AQP4: variants seen among roughly 807,000 people sequenced by gnomAD.
AQP4 encodes the protein aquaporin 4, also known as aquaporin-4.
In AQP4, 18 loss-of-function variants were observed where a neutral mutation model predicts 27.8. The ratio of observed to expected loss-of-function variants is 0.65; its 90% CI spans 0.45 to 0.96. The LOEUF (loss-of-function observed/expected upper bound fraction) is 0.96, where lower values mean the gene tolerates loss of function less well. AQP4 is among the 40% of genes least tolerant of loss of function. The probability of loss-of-function intolerance (pLI) is 0.00; values close to 1 mark genes in which losing one functional copy is unlikely to be tolerated. For synonymous variants in AQP4, 141 were observed against 142.9 expected (o/e 0.99, Z 0.10); for missense variants, 412 against 408.2 (o/e 1.01, Z -0.08).
chr18:26,856,291 C>T lies in AQP4; in HGVS notation c.892G>A (p.Val298Met), dbSNP rs1325525301. 1.9e-6 allele frequency: 3 copies of T among 1,614,116 alleles called. No individual in the cohort carries two copies. The African/African-American group carries it at 4.0e-5, about 22-fold the overall frequency. ...CGGTCAACGTCAATCACATGCACCA[C>T]TCCAGGTTTTAGAATCAGGTCATCC... The part of the protein sequence containing the change: ...ETDDLILKPG[V>M]VHVIDVDRGE... Residue 298 changes from valine to methionine, a missense_variant, in exon 5 of 5, where the codon GTG becomes ATG. Physicochemically the swap from Val to Met is conservative, Grantham distance 21. Coordinates refer to ENST00000383168, the MANE Select transcript of AQP4 (RefSeq NM_001650.7).
At chr18:26,865,111 A>T (rs2055034476) in intron 1 of AQP4, 1 of 155,806 alleles carries the variant, frequency 6.4e-6, no homozygotes, top group African/African-American at 2.4e-5. Context: ...CTTGGCTGTG[A>T]ACCGTGAAGT....
In AQP4 at chr18:26,853,739, G is replaced by A. The variant is rs2054793331; in HGVS notation, c.*2472C>T. 1 of 152,628 alleles carries A rather than the reference G, an allele frequency of 6.6e-6. No individual in the cohort carries two copies. The highest frequency in any genetic ancestry group is 2.4e-5 in the African/African-American group (1 of 41,440). The allele number at this position is 152,628 out of a possible 1,614,324, so 9.5% of individuals were successfully genotyped here. A position where few individuals can be genotyped will look rare whatever the true frequency, so the allele number is the denominator to read the frequency against. ...GGCGATAGACCCCTGCTGCATAGAT[G>A]TCATTAGAAAGGTACAATTTCATTA... On this transcript the variant is annotated 3_prime_UTR_variant, in exon 5 of 5. Transcript: ENST00000383168.
intron 4 of AQP4, among the ~76,000 whole-genome samples, chr18:26,859,823 T>C (rs886940759): frequency 6.6e-5 from 10 of 152,246 alleles, no homozygotes; most frequent in Non-Finnish European, 1.0e-4. Context: ...AATCACTGTC[T>C]GAATAAACAC....
chr18:26,858,000 G>A (rs1598511746), intron 4 of AQP4, among the ~76,000 whole-genome samples: 1 of 152,292 alleles, frequency 6.6e-6, no homozygotes, highest in Non-Finnish European at 1.5e-5. Context: ...GCTGGGCACA[G>A]TGGCTCACAC....
rs1231570110 is a variant in AQP4, at chr18:26,854,713, T to A, written c.*1498A>T. The stretch of plus-strand genomic sequence containing the variant: ...AGAGAAGACAGCCCTTGATCATCAG[T>A]TATTTACAAGTCACTCCTTGCAGTG... On this transcript the variant is annotated 3_prime_UTR_variant, in exon 5 of 5. Transcript: ENST00000383168. 1 of 152,620 alleles carries A rather than the reference T, an allele frequency of 6.6e-6. No homozygotes were observed. The highest frequency in any genetic ancestry group is 2.4e-5 in the African/African-American group (1 of 41,458). 9.5% of individuals were successfully genotyped at this position (152,620 alleles called of 1,614,324 possible). A position where few individuals can be genotyped will look rare whatever the true frequency, so the allele number is the denominator to read the frequency against.
intron 4 of AQP4, among the ~76,000 whole-genome samples, chr18:26,858,570 C>T (rs577148616): frequency 2.4e-4 from 36 of 152,262 alleles, no homozygotes; most frequent in Non-Finnish European, 3.4e-4. Context: ...CCCATATGAG[C>T]CTTTATCTTC....
chr18:26,857,751 T>C lies in AQP4; in HGVS notation c.694-1262A>G, dbSNP rs1598511515. Among the ~76,000 whole-genome samples the C allele has an allele frequency of 2.0e-5, 3 of 152,364 alleles. No homozygotes were observed. In the South Asian group the frequency reaches 6.2e-4, roughly 32 times the overall value. On this transcript the variant is annotated intron_variant, in intron 4 of 4. Coordinates refer to ENST00000383168, the MANE Select transcript of AQP4 (RefSeq NM_001650.7). ...TAGACATTTATTTAACAGACGCACT[T>C]GGGCAACAGAAACCCTGCTTGTTGA...
chr18:26,865,726 C>T (rs750872970), upstream of AQP4: 6 of 1,613,758 alleles, frequency 3.7e-6, no homozygotes, highest in African/African-American at 1.3e-5. Flanking sequence ...CATTGCCTGC[C>T]CCGCAGCTCC....
rs1410418799 is a variant in AQP4, at chr18:26,857,450, C to T, written c.694-961G>A. The stretch of plus-strand genomic sequence containing the variant: ...CACGCCATTCTCCTGCCTCAGCCTC[C>T]TGAGTAGCTGGGACTACAGGTGCCC... On this transcript the variant is annotated intron_variant, in intron 4 of 4. Coordinates refer to ENST00000383168, the MANE Select transcript of AQP4 (RefSeq NM_001650.7). Among the ~76,000 whole-genome samples, 3 of 152,066 alleles carry T rather than the reference C, an allele frequency of 2.0e-5. No homozygotes were observed. In the East Asian group the frequency reaches 5.8e-4, roughly 29 times the overall value.
At chr18:26,864,800 C>T (rs554930681) in intron 1 of AQP4, among the ~76,000 whole-genome samples, 1 of 152,200 alleles carries the variant, frequency 6.6e-6, no homozygotes, top group Non-Finnish European at 1.5e-5. Context: ...TCCTTTTCAG[C>T]CCCGCAGGAG....
At position 26,856,404 on chromosome 18, in the gene AQP4, C is replaced by T. The variant is rs774006470; in HGVS notation, c.779G>A (p.Arg260His). ...YVFCPDVEFK[R>H]RFKEAFSKAA... ...TTTGCTGAAGGCTTCTTTAAAACGA[C>T]GTTTGAATTCAACATCTGGACAGAA... is the stretch of plus-strand genomic sequence containing the variant. Residue 260 changes from arginine to histidine, a missense_variant, in exon 5 of 5, where the codon CGT becomes CAT. Arg to His is a conservative substitution (Grantham distance 29). Coordinates refer to ENST00000383168, the MANE Select transcript of AQP4 (RefSeq NM_001650.7). 22 of 1,614,088 alleles carry T rather than the reference C, an allele frequency of 1.4e-5. No individual in the cohort carries two copies. The highest frequency in any genetic ancestry group is 2.7e-5 in the African/African-American group (2 of 74,918).
At chr18:26,860,510 T>C (rs1259291607) in intron 4 of AQP4, among the ~76,000 whole-genome samples, 1 of 152,156 alleles carries the variant, frequency 6.6e-6, no homozygotes, top group Non-Finnish European at 1.5e-5. Context: ...TTAGATACAG[T>C]GTCTAAAATA....
rs778967734 is a variant in AQP4 at position 26,854,505 on chromosome 18, C to T, written c.*1706G>A. On this transcript the variant is annotated 3_prime_UTR_variant, in exon 5 of 5. Coordinates refer to ENST00000383168, the MANE Select transcript of AQP4 (RefSeq NM_001650.7). ...GAGAAAGGGGCCTGGGATTTAGGCACCTGCGGTATGCCAGTGGCACTCCCA... is the reference window on the plus strand; with the variant it reads ...GAGAAAGGGGCCTGGGATTTAGGCATCTGCGGTATGCCAGTGGCACTCCCA... The T allele has an allele frequency of 3.3e-5, 5 of 152,592 alleles. No homozygotes were observed. The highest frequency in any genetic ancestry group is 4.4e-5 in the Non-Finnish European group (3 of 68,038). The allele number at this position is 152,592 out of a possible 1,614,324, so 9.5% of individuals were successfully genotyped here. A position where few individuals can be genotyped will look rare whatever the true frequency, so the allele number is the denominator to read the frequency against.
intron 2 of AQP4, among the ~76,000 whole-genome samples, chr18:26,861,588 C>T (rs925012007): frequency 2.0e-5 from 3 of 152,084 alleles, no homozygotes; most frequent in South Asian, 2.1e-4. Context: ...GCACTTAACT[C>T]GTAAAAGAAT....
chr18:26,862,104 C>T (rs1046847334), intron 2 of AQP4, 78 bp downstream of exon 2: 9 of 1,527,574 alleles, frequency 5.9e-6, no homozygotes, highest in East Asian at 2.2e-5. Context: ...GGATGTGCCT[C>T]ATGCCACCAA....
At chr18:26,860,686 G>T in intron 4 of AQP4, 86 bp downstream of exon 4, 1 of 1,187,902 alleles carries the variant, frequency 8.4e-7, no homozygotes, top group Non-Finnish European at 1.3e-6. Flanking sequence ...AGAGAAAGTA[G>T]TAGGCAAAAT....
chr18:26,862,639 G>A (rs1365800344), intron 1 of AQP4, 43 bp from the exon 2 acceptor site: 1 of 1,613,442 alleles, frequency 6.2e-7, no homozygotes, highest in Non-Finnish European at 8.5e-7. Context: ...ACTACACCCA[G>A]GTTTATGAAT....
In AQP4 at chr18:26,855,041, CA is replaced by C. The variant is rs2054817056; in HGVS notation, c.*1169del. The C allele has an allele frequency of 6.6e-6, 1 of 152,182 alleles. No homozygotes were observed. The highest frequency in any genetic ancestry group is 1.9e-4 in the East Asian group (1 of 5,196). 9.4% of individuals were successfully genotyped at this position (152,182 alleles called of 1,614,324 possible). The stretch of plus-strand genomic sequence containing the variant: ...CTGATGTCCTCACCCTTTTATTCTG[CA>C]ACCATGTTGTACCTTGTCTGTCATG... On this transcript the variant is annotated 3_prime_UTR_variant, in exon 5 of 5. Coordinates refer to ENST00000383168, the MANE Select transcript of AQP4 (RefSeq NM_001650.7).
intron 4 of AQP4, among the ~76,000 whole-genome samples, chr18:26,860,266 C>A (rs906902421): frequency 6.6e-6 from 1 of 152,182 alleles, no homozygotes; most frequent in Non-Finnish European, 1.5e-5. Flanking sequence ...ATACTTGCAA[C>A]TTACATACTA....
Sources: allele counts gnomAD v4.1 joint callset (sites outside exome capture counted in the v4.1 genomes callset), GRCh38; gene constraint gnomAD v4.1.1; transcripts MANE v1.5; gene names NCBI Gene and HGNC (gene_info 2026-07-23, HGNC 2026-07-21).